Variants in HNF1B observed in about 807,000 individuals in gnomAD.
HNF1B encodes hepatocyte nuclear factor 1-beta.
Under a neutral mutation model 61.7 loss-of-function variants are expected in HNF1B, and 8 were observed. The ratio of observed to expected loss-of-function variants is 0.13; its 90% CI spans 0.08 to 0.23. The LOEUF is 0.23. Ranked by LOEUF, HNF1B falls within the 10% of genes least tolerant of loss-of-function variation. HNF1B has a pLI of 1.00. For synonymous variants in HNF1B, 314 were observed against 287.7 expected (o/e 1.09, Z -0.93); for missense variants, 562 against 714.5 (o/e 0.79, Z 2.43).
At chr17:37,691,418 G>C (rs1341602367) in intron 8 of HNF1B, among the ~76,000 whole-genome samples, 2 of 152,164 alleles carry the variant, frequency 1.3e-5, no homozygotes, top group African/African-American at 4.8e-5. Flanking sequence ...CAACAGCAAG[G>C]CTTGTGCTCT....
chr17:37,699,661 G>A (rs558193274), intron 7 of HNF1B, among the ~76,000 whole-genome samples: 1 of 152,356 alleles, frequency 6.6e-6, no homozygotes, highest in Non-Finnish European at 1.5e-5. Flanking sequence ...GCCTGGCCAG[G>A]TGAAGGGATG....
intron 1 of HNF1B, 148 bp downstream of exon 1, chr17:37,744,393 G>C (rs1233944555): frequency 1.3e-6 from 1 of 763,418 alleles, no homozygotes; most frequent in Non-Finnish European, 2.1e-6. Flanking sequence ...GAAGGGTCCG[G>C]GTGTTGGGAG....
At chr17:37,733,844 T>A in intron 2 of HNF1B, 23 bp from the exon 3 acceptor site, 1 of 1,612,780 alleles carries the variant, frequency 6.2e-7, no homozygotes, top group South Asian at 1.1e-5. Context: ...AGGAGTAGAT[T>A]TGATAGGGTC....
intron 4 of HNF1B, among the ~76,000 whole-genome samples, chr17:37,720,230 A>T (rs1386892238): frequency 1.3e-5 from 2 of 152,198 alleles, no homozygotes; most frequent in Non-Finnish European, 2.9e-5. Flanking sequence ...ACAAAAGAGG[A>T]GACGTTCTTG....
intron 1 of HNF1B, among the ~76,000 whole-genome samples, chr17:37,743,920 T>A (rs2034081206): frequency 6.6e-6 from 1 of 152,222 alleles, no homozygotes; most frequent in African/African-American, 2.4e-5. Context: ...GGACCCTGCA[T>A]GGAACATGCC....
chr17:37,733,434 G>C, intron 3 of HNF1B, 123 bp downstream of exon 3: 8 of 1,123,454 alleles, frequency 7.1e-6, no homozygotes, highest in Non-Finnish European at 9.5e-6. Flanking sequence ...AACATACTTT[G>C]AGAAGCTCTG....
chr17:37,686,701 C>G lies in HNF1B; in HGVS notation c.*671G>C, dbSNP rs992036890. ...AAGTGTCCAGGCCCGCGGGAGAGGA[C>G]AAGGGGCTTCACTTCCCACTTAGGA... On this transcript the variant is annotated 3_prime_UTR_variant, in exon 9 of 9. Transcript: ENST00000617811. The G allele has an allele frequency of 5.8e-6, 1 of 171,678 alleles. No homozygotes were observed. Among genetic ancestry groups the G allele is most frequent in the African/African-American group, 2.4e-5 (1 of 41,760 alleles). 10.6% of individuals were successfully genotyped at this position (171,678 alleles called of 1,614,324 possible).
At chr17:37,707,098 A>C (rs1257812686) in intron 5 of HNF1B, among the ~76,000 whole-genome samples, 2 of 150,886 alleles carry the variant, frequency 1.3e-5, no homozygotes, top group African/African-American at 4.9e-5. Context: ...CCCATTCTAA[A>C]ATGCAACTAT....
In HNF1B at chr17:37,710,404, A is replaced by G. The variant is rs963034025; in HGVS notation, c.1206+99T>C. 3.4e-6 allele frequency: 5 copies of G among 1,472,962 alleles called. No homozygotes were observed. In the Admixed American group the frequency reaches 8.4e-5, roughly 25 times the overall value. The allele number at this position is 1,472,962 out of a possible 1,614,324, so 91.2% of individuals were successfully genotyped here. ...AGCCCTCATTTTCCCCTATGGGGCT[A>G]CAATGGTTCATTGTTTGAGGCAGGC... is the stretch of plus-strand genomic sequence containing the variant. On this transcript the variant is annotated intron_variant, in intron 5 of 8. Transcript: ENST00000617811.
rs199518020 is a variant in HNF1B at position 37,694,438 on chromosome 17, GC to G, written c.1653+4637del. ...CAAAACTCCATCCCCCCGCCCCGCC[GC>G]CCCCCCCCCCCCCCGCAAAAAAAAA... On this transcript the variant is annotated intron_variant, in intron 8 of 8. Coordinates refer to ENST00000617811, the MANE Select transcript of HNF1B (RefSeq NM_000458.4). Among the ~76,000 whole-genome samples, 43 of 29,416 alleles carry G rather than the reference GC, an allele frequency of 1.5e-3. 2 individuals carry two copies. The highest frequency in any genetic ancestry group is 8.8e-3 in the South Asian group (6 of 680). The allele number at this position is 29,416 out of a possible 152,430, so 19.3% of individuals were successfully genotyped here.
At chr17:37,729,066 A>C (rs1347587391) in intron 4 of HNF1B, 1 of 152,154 alleles carries the variant, frequency 6.6e-6, no homozygotes, top group Non-Finnish European at 1.5e-5. Flanking sequence ...GTCTTTATAC[A>C]TTCACTCCTT....
chr17:37,699,056 G>T lies in HNF1B; in HGVS notation c.1653+20C>A. On this transcript the variant is annotated intron_variant, in intron 8 of 8. Transcript: ENST00000617811. ...ACACCCTGCCCACACCCCAACCCCCGCAAATCCTGCTGGCATTACCTGTTT... is the reference window on the plus strand; with the variant it reads ...ACACCCTGCCCACACCCCAACCCCCTCAAATCCTGCTGGCATTACCTGTTT... The T allele has an allele frequency of 6.3e-7, 1 of 1,574,886 alleles. No homozygotes were observed. Among genetic ancestry groups the T allele is most frequent in the Non-Finnish European group, 8.7e-7 (1 of 1,144,422 alleles).
At chr17:37,710,796 A>G (rs913266823) in intron 4 of HNF1B, 133 bp from the exon 5 acceptor site, 14 of 832,094 alleles carry the variant, frequency 1.7e-5, no homozygotes, top group Non-Finnish European at 2.0e-5. Flanking sequence ...TCCACCCACA[A>G]GAAATATCGG....
intron 4 of HNF1B, among the ~76,000 whole-genome samples, chr17:37,722,626 G>C (rs2033353624): frequency 6.6e-6 from 1 of 152,228 alleles, no homozygotes. Context: ...AGAACATGCA[G>C]AGTACAAGTC....
chr17:37,692,744 G>A (rs145932870), intron 8 of HNF1B, among the ~76,000 whole-genome samples: 11 of 152,286 alleles, frequency 7.2e-5, no homozygotes, highest in Middle Eastern at 6.8e-3. Flanking sequence ...AGGTGAGCAG[G>A]GAGTCTGTGT....
At chr17:37,707,769 CTT>C (rs370273372) in intron 5 of HNF1B, among the ~76,000 whole-genome samples, 20 of 144,386 alleles carry the variant, frequency 1.4e-4, no homozygotes, top group South Asian at 8.8e-4. Context: ...TGTTCTCTCT[CTT>C]TTTTTTTTTT....
At chr17:37,691,367 T>C (rs1859211) in intron 8 of HNF1B, among the ~76,000 whole-genome samples, 29,243 of 152,100 alleles carry the variant, frequency 0.19, 3,441 homozygotes, top group African/African-American at 0.34. Context: ...ATGAGGGAAG[T>C]GTGGCCTGGA....
At chr17:37,714,180 A>C (rs2033029260) in intron 4 of HNF1B, among the ~76,000 whole-genome samples, 1 of 152,232 alleles carries the variant, frequency 6.6e-6, no homozygotes, top group African/African-American at 2.4e-5. Flanking sequence ...ATGGATGTCC[A>C]AATACCCAGA....
intron 1 of HNF1B, among the ~76,000 whole-genome samples, chr17:37,744,260 A>G (rs2034094646): frequency 1.3e-5 from 2 of 152,204 alleles, no homozygotes; most frequent in Non-Finnish European, 1.5e-5. Context: ...AGGGCTCCAC[A>G]GCTCCAGTTC....
Sources: gnomAD v4.1 joint callset for allele counts (sites outside exome capture counted in the v4.1 genomes callset) on GRCh38, gnomAD v4.1.1 for gene constraint, MANE v1.5 for transcripts, NCBI Gene and HGNC (gene_info 2026-07-23, HGNC 2026-07-21) for gene names.